The following PCDHGB1 variants were observed in gnomAD, a reference collection of about 807,000 sequenced individuals.
The protein encoded by PCDHGB1 is protocadherin gamma-B1.
Under a neutral mutation model 56.6 loss-of-function variants are expected in PCDHGB1, and 34 were observed. That is an observed-to-expected ratio of 0.60 (90% confidence interval 0.46 to 0.80). The LOEUF is 0.80. Among genes scored for constraint, PCDHGB1 ranks in the 30% least tolerant of loss-of-function variants. The probability of loss-of-function intolerance (pLI) is 0.00; values close to 1 mark genes in which losing one functional copy is unlikely to be tolerated. For missense variants in PCDHGB1, 1,278 were observed against 1,204.6 expected, an observed-to-expected ratio of 1.06 and a Z score of -0.90; for synonymous variants, 561 against 505.9, an observed-to-expected ratio of 1.11 and a Z score of -1.46.
At chr5:141,413,336 A>G (rs1561741680) in intron 1 of PCDHGB1, 1 of 1,613,972 alleles carries the variant, frequency 6.2e-7, no homozygotes, top group Non-Finnish European at 8.5e-7. Flanking sequence ...AACATCTCCA[A>G]GGACTTGGGT....
intron 1 of PCDHGB1, chr5:141,357,850 C>A: frequency 1.6e-6 from 1 of 608,648 alleles, no homozygotes. Context: ...TAGTTTCAGC[C>A]AGAATTTTCT....
In PCDHGB1 at chr5:141,486,585, GGGA is replaced by G; in HGVS notation, c.2410-8221_2410-8219del. The G allele has an allele frequency of 6.2e-7, 1 of 1,613,708 alleles. No individual in the cohort carries two copies. Among genetic ancestry groups the G allele is most frequent in the Non-Finnish European group, 8.5e-7 (1 of 1,180,024 alleles). On this transcript the variant is annotated intron_variant, in intron 1 of 3. Transcript: ENST00000523390. This position sits in a 1 kb window ranked among gnomAD's most constrained non-coding sequence, Gnocchi z 5.0. ...TTTGTTCCTGAGAACAATCGCCCAG[GGGA>G]CCTGCTTTGCTCCCTTGCAGCCTCT...
intron 1 of PCDHGB1, chr5:141,362,695 T>A: frequency 1.8e-6 from 2 of 1,090,718 alleles, no homozygotes; most frequent in Non-Finnish European, 2.6e-6. Flanking sequence ...CTTATCTAAC[T>A]GAATTTTAAG....
chr5:141,433,555 G>C (rs1434189062), intron 1 of PCDHGB1, among the ~76,000 whole-genome samples: 1 of 152,088 alleles, frequency 6.6e-6, no homozygotes, highest in African/African-American at 2.4e-5. Flanking sequence ...TTCTTTTCTG[G>C]CTGGGCGCGG....
intron 2 of PCDHGB1, among the ~76,000 whole-genome samples, chr5:141,501,223 T>G (rs1247662371): frequency 6.6e-6 from 1 of 151,280 alleles, no homozygotes; most frequent in African/African-American, 2.4e-5. Flanking sequence ...CTTCCTAGAT[T>G]TCTCAGTTTT....
intron 1 of PCDHGB1, chr5:141,372,888 T>C: frequency 8.5e-7 from 1 of 1,177,756 alleles, no homozygotes; most frequent in South Asian, 1.6e-5. Context: ...AGAATACAGA[T>C]TAAATATTCC....
chr5:141,427,096 T>A, intron 1 of PCDHGB1: 1 of 458,056 alleles, frequency 2.2e-6, no homozygotes, highest in Non-Finnish European at 4.4e-6. Flanking sequence ...GATGAGGGTG[T>A]CAATGCGGAG....
intron 1 of PCDHGB1, chr5:141,366,311 A>T (rs1561537361): frequency 1.9e-6 from 3 of 1,613,766 alleles, no homozygotes; most frequent in Non-Finnish European, 2.5e-6. Context: ...CTTCACGGTC[A>T]CCGTTGCCGT....
intron 1 of PCDHGB1, among the ~76,000 whole-genome samples, chr5:141,468,868 A>T (rs1006995156): frequency 9.2e-5 from 14 of 151,794 alleles, no homozygotes; most frequent in African/African-American, 2.4e-4. Flanking sequence ...TCCATCTCAA[A>T]AATAATAATA....
At chr5:141,354,532 G>C (rs1415813950) in intron 1 of PCDHGB1, among the ~76,000 whole-genome samples, 1 of 152,212 alleles carries the variant, frequency 6.6e-6, no homozygotes, top group Non-Finnish European at 1.5e-5. Context: ...CATTGCCCCA[G>C]GTTCTAGAGG....
Position 141,491,699 on chromosome 5 carries a change from A to G in PCDHGB1, c.2410-3108A>G. The G allele has an allele frequency of 6.2e-7, 1 of 1,612,008 alleles. No individual in the cohort carries two copies. The highest frequency in any genetic ancestry group is 1.1e-5 in the South Asian group (1 of 90,926). ...TCTAATACGCTGCGGGAGCGGAGCC[A>G]GGTGAGGGGCTCGGCGCCGCCCCGG... On this transcript the variant is annotated intron_variant, in intron 1 of 3. Transcript: ENST00000523390. The surrounding 1 kb of genome is among the most constrained non-coding windows in gnomAD (Gnocchi z 6.9).
chr5:141,444,093 G>A (rs531514787), intron 1 of PCDHGB1, among the ~76,000 whole-genome samples: 1 of 147,730 alleles, frequency 6.8e-6, no homozygotes, highest in East Asian at 2.0e-4. Flanking sequence ...GTCTGCTAAG[G>A]ATTGGAAACC....
At chr5:141,458,319 T>C (rs2879229) in intron 1 of PCDHGB1, among the ~76,000 whole-genome samples, 84,591 of 151,864 alleles carry the variant, frequency 0.56, 26,265 homozygotes, top group African/African-American at 0.85. Flanking sequence ...CACAGACACA[T>C]GTGGAGTGGT....
intron 1 of PCDHGB1, among the ~76,000 whole-genome samples, chr5:141,454,918 C>T (rs1474616925): frequency 6.7e-6 from 1 of 149,344 alleles, no homozygotes; most frequent in Non-Finnish European, 1.5e-5. Context: ...CGCCATTCTC[C>T]TGCCTCAGCC....
intron 1 of PCDHGB1, chr5:141,392,231 C>T (rs1225616326): frequency 6.6e-6 from 1 of 152,078 alleles, no homozygotes; most frequent in Non-Finnish European, 1.5e-5. Context: ...AACTGAAGTT[C>T]TTAGTTATTT....
chr5:141,464,266 AAAAAAAAAAAAGC>A (rs2099079689), intron 1 of PCDHGB1, among the ~76,000 whole-genome samples: 2 of 138,926 alleles, frequency 1.4e-5, no homozygotes, highest in Admixed American at 1.4e-4. Flanking sequence ...CTCCGTCTAA[AAAAAAAAAAAAGC>A]AAAAAAAAAA....
intron 1 of PCDHGB1, chr5:141,374,954 A>G: frequency 6.2e-7 from 1 of 1,613,990 alleles, no homozygotes. Flanking sequence ...GATCTCACAA[A>G]TTTTCTGTTT....
At position 141,370,514 on chromosome 5, in the gene PCDHGB1, G is replaced by T. The variant is rs1295709231; in HGVS notation, c.2409+17845G>T. 3 of 1,613,776 alleles carry T rather than the reference G, an allele frequency of 1.9e-6. No individual in the cohort carries two copies. The African/African-American group carries it at 4.0e-5, about 22-fold the overall frequency. On this transcript the variant is annotated intron_variant, in intron 1 of 3. Coordinates refer to ENST00000523390, the MANE Select transcript of PCDHGB1 (RefSeq NM_018922.3). ...CGATCCGCTACGCTATTCCCGAGGAGCTGGACAGGGGCTCGCTGGTAGGGA... is the reference window on the plus strand; with the variant it reads ...CGATCCGCTACGCTATTCCCGAGGATCTGGACAGGGGCTCGCTGGTAGGGA...
At chr5:141,382,929 C>A (rs1163790741) in intron 1 of PCDHGB1, 10 of 1,582,396 alleles carry the variant, frequency 6.3e-6, no homozygotes, top group Non-Finnish European at 8.6e-6. Flanking sequence ...GCGGGGACTA[C>A]AGAGGATTCT....
Sources: gnomAD v4.1 joint callset for allele counts (sites outside exome capture counted in the v4.1 genomes callset) on GRCh38, gnomAD v4.1.1 for gene constraint, Gnocchi (gnomAD v3.1) non-coding constraint, MANE v1.5 for transcripts, NCBI Gene and HGNC (gene_info 2026-07-23, HGNC 2026-07-21) for gene names.